ANKFY1: variants seen among roughly 807,000 people sequenced by gnomAD.
ANKFY1 encodes the protein ankyrin repeat and FYVE domain-containing protein 1.
A neutral mutation model predicts 128.3 loss-of-function variants in ANKFY1; 47 were observed. That is an observed-to-expected ratio of 0.37 (90% CI 0.29 to 0.47). ANKFY1 has a LOEUF of 0.47. ANKFY1 is among the 20% of genes least tolerant of loss of function. The pLI, the probability that ANKFY1 is intolerant of heterozygous loss-of-function variation, is 1.00. For synonymous variants in ANKFY1, 553 were observed against 601.6 expected, an observed-to-expected ratio of 0.92 and a Z score of 1.18; for missense variants, 1,222 against 1,510.6, an observed-to-expected ratio of 0.81 and a Z score of 3.17.
rs367611418 is a variant in ANKFY1, at chr17:4,197,563, C to G, written c.913G>C (p.Ala305Pro). ...GCCCCATTCTTAATGAGGAAAGTGG[C>G]AGCAAAGAGATCTCCTTGAAAAGAA... Reference protein sequence around the residue: ...KGIQRGDLFAATFLIKNGAFV... With the variant: ...KGIQRGDLFAPTFLIKNGAFV... The change falls in exon 8 of 25, where the codon GCC becomes CCC. Residue 305 changes from alanine to proline, a missense_variant. By Grantham distance (27) the Ala-to-Pro change is conservative. Coordinates refer to ENST00000341657, the MANE Select transcript of ANKFY1 (RefSeq NM_001330063.2). 1.7e-5 allele frequency: 28 copies of G among 1,614,114 alleles called. No individual in the cohort carries two copies. In the African/African-American group the frequency reaches 3.5e-4, roughly 20 times the overall value.
chr17:4,233,453 T>G (rs986111455), intron 3 of ANKFY1, among the ~76,000 whole-genome samples: 3 of 152,220 alleles, frequency 2.0e-5, no homozygotes, highest in Non-Finnish European at 4.4e-5. Context: ...GCAAATGTTT[T>G]TAGTTACTGG....
intron 1 of ANKFY1, among the ~76,000 whole-genome samples, chr17:4,246,431 G>A (rs756878397): frequency 3.3e-5 from 5 of 152,030 alleles, no homozygotes; most frequent in South Asian, 2.1e-4. Context: ...CCCAAGCCTC[G>A]CCCTCTCCTC....
Position 4,209,847 on chromosome 17 carries a change from C to T in ANKFY1, c.559G>A (p.Ala187Thr). The change falls in exon 5 of 25, where the codon GCA becomes ACA. Residue 187 changes from alanine (A) to threonine (T), a missense_variant. Physicochemically the swap from Ala to Thr is moderately conservative, Grantham distance 58 (BLOSUM62 0). Transcript: ENST00000341657. ...ACCCAATGACTTGCAATAATTTCTGCACAGTAGTTCATCAGTGTGCTGGCA... is the reference window on the plus strand; with the variant it reads ...ACCCAATGACTTGCAATAATTTCTGTACAGTAGTTCATCAGTGTGCTGGCA... ...LNASTLMNYC[A>T]EIIASHWDDL... 6.2e-7 allele frequency: 1 copy of T among 1,613,782 alleles called. No individual in the cohort carries two copies. Among genetic ancestry groups the T allele is most frequent in the South Asian group, 1.1e-5 (1 of 91,028 alleles).
At chr17:4,220,544 A>G (rs2060293278) in intron 3 of ANKFY1, among the ~76,000 whole-genome samples, 1 of 152,170 alleles carries the variant, frequency 6.6e-6, no homozygotes, top group Non-Finnish European at 1.5e-5. Flanking sequence ...ATAAACAAAA[A>G]CCTAGATTAT....
chr17:4,233,275 C>T (rs1281552815), intron 3 of ANKFY1, among the ~76,000 whole-genome samples: 1 of 151,954 alleles, frequency 6.6e-6, no homozygotes, highest in Non-Finnish European at 1.5e-5. Flanking sequence ...TCCTATCACA[C>T]ATTTTGTGAA....
chr17:4,216,749 G>A (rs140812643), intron 4 of ANKFY1: 47 of 557,332 alleles, frequency 8.4e-5, no homozygotes, highest in African/African-American at 7.3e-4. Flanking sequence ...ATACGATTAT[G>A]TAATTTCAGG....
chr17:4,187,479 C>T (rs1234688844), intron 11 of ANKFY1: 4 of 386,176 alleles, frequency 1.0e-5, no homozygotes, highest in Non-Finnish European at 1.8e-5. Context: ...GCTCTTCTGT[C>T]CCCACAGGAT....
At position 4,169,924 on chromosome 17, in the gene ANKFY1, C is replaced by A. The variant is rs2059284030; in HGVS notation, c.3287-636G>T. On this transcript the variant is annotated intron_variant, in intron 23 of 24. Transcript: ENST00000341657. The surrounding 1 kb of genome is among the most constrained non-coding windows in gnomAD (Gnocchi z 5.0). The stretch of plus-strand genomic sequence containing the variant: ...GTCTGACTGCTCTACATAGACAGGT[C>A]CACTGAGCTCATGGGGACGGAGCAG... Among the ~76,000 whole-genome samples the A allele has an allele frequency of 6.6e-6, 1 of 152,210 alleles. No homozygotes were observed. The highest frequency in any genetic ancestry group is 2.1e-4 in the South Asian group (1 of 4,832).
intron 2 of ANKFY1, among the ~76,000 whole-genome samples, chr17:4,241,472 G>A (rs1224538799): frequency 1.3e-5 from 2 of 151,414 alleles, no homozygotes; most frequent in African/African-American, 4.9e-5. Context: ...TGTAGAGACG[G>A]GGTTTCACCA....
chr17:4,257,675 C>T (rs1244643913), intron 1 of ANKFY1, among the ~76,000 whole-genome samples: 4 of 152,190 alleles, frequency 2.6e-5, no homozygotes, highest in Admixed American at 2.0e-4. Context: ...GCATTTTTTA[C>T]CCTTCACCTT....
chr17:4,235,815 C>A lies in ANKFY1; in HGVS notation c.279G>T (p.Trp93Cys). The part of the protein sequence containing the change: ...KFVLAARSDS[W>C]SLANLSSTKE... ...TAGTGGAAGACAAGTTAGCCAGACT[C>A]CAGCTGTCACTGCGGGCTGCCAGGA... The change falls in exon 3 of 25, where the codon TGG becomes TGT. Residue 93 changes from tryptophan to cysteine, a missense_variant. By Grantham distance (215) the Trp-to-Cys change is radical. Transcript: ENST00000341657. The A allele has an allele frequency of 6.2e-7, 1 of 1,614,190 alleles. No homozygotes were observed. The highest frequency in any genetic ancestry group is 8.5e-7 in the Non-Finnish European group (1 of 1,180,036).
At chr17:4,242,493 G>A (rs754244116) in intron 1 of ANKFY1, 45 bp from the exon 2 acceptor site, 2 of 1,486,416 alleles carry the variant, frequency 1.3e-6, no homozygotes, top group South Asian at 2.7e-5. Flanking sequence ...CTGCTGGAAA[G>A]CAGGTGGCAT....
chr17:4,263,560 G>A (rs900477259), intron 1 of ANKFY1: 2 of 1,534,252 alleles, frequency 1.3e-6, no homozygotes, highest in Admixed American at 2.0e-5. Flanking sequence ...AACGTGCCAG[G>A]ACAGCAGTTT....
intron 16 of ANKFY1, chr17:4,180,373 G>A (rs148512510): frequency 8.4e-4 from 130 of 154,422 alleles, no homozygotes; most frequent in Non-Finnish European, 1.6e-3. Context: ...GGAGGCAGAG[G>A]TGGCAGTGAG....
Position 4,185,027 on chromosome 17 carries a change from G to T in ANKFY1, c.1490C>A (p.Thr497Lys). ...GTTGGCCAGGCCATGCCGACACGCT[G>T]TGTGCAACGGGGTTTCTCCCTGAAT... is the stretch of plus-strand genomic sequence containing the variant. ...RNKWGETPLH[T>K]ACRHGLANLT... Residue 497 changes from threonine to lysine, a missense_variant, in exon 12 of 25, where the codon ACA becomes AAA. Coordinates refer to ENST00000341657, the MANE Select transcript of ANKFY1 (RefSeq NM_001330063.2). 1 of 1,613,276 alleles carries T rather than the reference G, an allele frequency of 6.2e-7. No homozygotes were observed. Among genetic ancestry groups the T allele is most frequent in the Non-Finnish European group, 8.5e-7 (1 of 1,179,982 alleles).
At chr17:4,232,197 T>C (rs1469299996) in intron 3 of ANKFY1, among the ~76,000 whole-genome samples, 2 of 152,222 alleles carry the variant, frequency 1.3e-5, no homozygotes, top group Non-Finnish European at 2.9e-5. Flanking sequence ...ATTTGAGCCT[T>C]TAAAATACAG....
rs1412475650 is a variant in ANKFY1, at chr17:4,167,067, CGAG to C, written c.*709_*711del. 3.9e-5 allele frequency: 6 copies of C among 152,764 alleles called. No homozygotes were observed. The East Asian group carries it at 1.2e-3, about 29-fold the overall frequency. 9.5% of individuals were successfully genotyped at this position (152,764 alleles called of 1,614,324 possible). ...ACTCCACAGACAGGACGCAGCAAGA[CGAG>C]AGAATGAGACGGCTGCTACGAGGTG... On this transcript the variant is annotated 3_prime_UTR_variant, in exon 25 of 25. Transcript: ENST00000341657. The surrounding 1 kb of genome is among the most constrained non-coding windows in gnomAD (Gnocchi z 4.1).
chr17:4,197,713 C>G, intron 7 of ANKFY1, 136 bp from the exon 8 acceptor site: 1 of 776,904 alleles, frequency 1.3e-6, no homozygotes, highest in South Asian at 1.7e-5. Context: ...CTTGGGGCAT[C>G]TGTAAGTGGA....
chr17:4,178,558 C>CTTTA lies in ANKFY1; in HGVS notation c.2598+298_2598+299insTAAA, dbSNP rs1299830862. The CTTTA allele has an allele frequency of 2.4e-5, 10 of 422,822 alleles. No individual in the cohort carries two copies. Among genetic ancestry groups the CTTTA allele is most frequent in the African/African-American group, 2.0e-4 (10 of 50,028 alleles). 26.2% of individuals were successfully genotyped at this position (422,822 alleles called of 1,614,324 possible). ...GACACTCCTCACTAGGACAGTTAAC[C>CTTTA]AACCTAGCAAAAGCAAAGAATGAGC... On this transcript the variant is annotated intron_variant, in intron 18 of 24. Coordinates refer to ENST00000341657, the MANE Select transcript of ANKFY1 (RefSeq NM_001330063.2). This position sits in a 1 kb window ranked among gnomAD's most constrained non-coding sequence, Gnocchi z 4.1.
Sources: gnomAD v4.1 joint callset for allele counts (sites outside exome capture counted in the v4.1 genomes callset) on GRCh38, gnomAD v4.1.1 for gene constraint, Gnocchi (gnomAD v3.1) non-coding constraint, MANE v1.5 for transcripts, NCBI Gene and HGNC (gene_info 2026-07-23, HGNC 2026-07-21) for gene names.